The following MAPK14 variants were observed in gnomAD, a reference collection of about 807,000 sequenced individuals.
MAPK14 encodes the protein mitogen-activated protein kinase 14, also known as CSAID-binding protein.
A neutral mutation model predicts 49.6 loss-of-function variants in MAPK14; 16 were observed. The ratio of observed to expected loss-of-function variants is 0.32; its 90% CI spans 0.22 to 0.49. The LOEUF is 0.49. Among genes scored for constraint, MAPK14 ranks in the 20% least tolerant of loss-of-function variants. MAPK14 has a pLI of 0.99. For synonymous variants in MAPK14, 142 were observed against 158.0 expected, an observed-to-expected ratio of 0.90 and a Z score of 0.76; for missense variants, 200 against 441.2, an observed-to-expected ratio of 0.45 and a Z score of 4.90.
chr6:36,069,802 T>G (rs770092693), intron 3 of MAPK14, among the ~76,000 whole-genome samples: 8 of 152,200 alleles, frequency 5.3e-5, no homozygotes, highest in South Asian at 4.1e-4. Flanking sequence ...ACATAATAGC[T>G]GTACTTGAAG....
chr6:36,045,783 T>C (rs1297366502), intron 1 of MAPK14, among the ~76,000 whole-genome samples: 3 of 122,888 alleles, frequency 2.4e-5, no homozygotes, highest in African/African-American at 3.3e-5. Context: ...CACTCCAGCC[T>C]GGGTGACACA....
intron 1 of MAPK14, among the ~76,000 whole-genome samples, chr6:36,044,567 C>T (rs551888190): frequency 6.6e-6 from 1 of 152,312 alleles, no homozygotes; most frequent in East Asian, 1.9e-4. Flanking sequence ...CCCTATATCT[C>T]TATACCTATC....
chr6:36,060,046 G>T (rs2127426324), intron 3 of MAPK14, among the ~76,000 whole-genome samples: 1 of 152,282 alleles, frequency 6.6e-6, no homozygotes, highest in East Asian at 1.9e-4. Context: ...GATACCCCTA[G>T]AAAGCAGAGC....
At chr6:36,084,190 A>G (rs1764882336) in intron 8 of MAPK14, among the ~76,000 whole-genome samples, 1 of 152,182 alleles carries the variant, frequency 6.6e-6, no homozygotes, top group African/African-American at 2.4e-5. Flanking sequence ...AACCCCTCCA[A>G]AGGTTAGCAG....
intron 3 of MAPK14, among the ~76,000 whole-genome samples, chr6:36,060,604 C>T (rs1763780305): frequency 1.3e-5 from 2 of 152,182 alleles, no homozygotes; most frequent in South Asian, 4.1e-4. Context: ...TTTCTCCTCA[C>T]CCTTATCCTG....
In MAPK14 at chr6:36,109,677, T is replaced by C. The variant is rs201904329; in HGVS notation, c.*1230T>C. ...ACCAACTATTTTTGAGGAATTATCA[T>C]GGGAAAAGACCAGGGCTTTTCCCAG... On this transcript the variant is annotated 3_prime_UTR_variant, in exon 12 of 12. Transcript: ENST00000229794. 6.6e-5 allele frequency: 10 copies of C among 152,658 alleles called. No homozygotes were observed. The highest frequency in any genetic ancestry group is 1.3e-4 in the Non-Finnish European group (9 of 68,048). The allele number at this position is 152,658 out of a possible 1,614,324, so 9.5% of individuals were successfully genotyped here. A position where few individuals can be genotyped will look rare whatever the true frequency, so the allele number is the denominator to read the frequency against.
At chr6:36,058,089 A>G (rs556286821) in intron 2 of MAPK14, among the ~76,000 whole-genome samples, 8 of 152,304 alleles carry the variant, frequency 5.3e-5, no homozygotes, top group Admixed American at 5.2e-4. Flanking sequence ...TGGGTTATTG[A>G]GTATTAAGTA....
At chr6:36,043,896 T>C (rs1581741410) in intron 1 of MAPK14, among the ~76,000 whole-genome samples, 1 of 139,986 alleles carries the variant, frequency 7.1e-6, no homozygotes, top group South Asian at 2.6e-4. Context: ...CCACAACCTC[T>C]ACCTCCCGGG....
intron 3 of MAPK14, among the ~76,000 whole-genome samples, chr6:36,068,906 C>A (rs1293271392): frequency 6.6e-6 from 1 of 152,112 alleles, no homozygotes; most frequent in African/African-American, 2.4e-5. Flanking sequence ...GTGATTTGTG[C>A]TCTCTATACT....
chr6:36,123,644 G>A, the MAPK14 span, among the ~76,000 whole-genome samples: 1 of 152,234 alleles, frequency 6.6e-6, no homozygotes, highest in Non-Finnish European at 1.5e-5. Context: ...GTGCCAGGGG[G>A]CTCAGCAGTG....
chr6:36,087,918 G>A (rs1435796493), intron 8 of MAPK14, among the ~76,000 whole-genome samples: 1 of 152,070 alleles, frequency 6.6e-6, no homozygotes, highest in Non-Finnish European at 1.5e-5. Flanking sequence ...AAACAGCATG[G>A]TACTAGTACA....
At chr6:36,094,757 G>C (rs1765380954) in intron 8 of MAPK14, among the ~76,000 whole-genome samples, 1 of 152,210 alleles carries the variant, frequency 6.6e-6, no homozygotes, top group South Asian at 2.1e-4. Context: ...TGTCCTCGTA[G>C]AGCTGTAGAC....
intron 1 of MAPK14, among the ~76,000 whole-genome samples, chr6:36,036,264 A>AG (rs1762747414): frequency 1.3e-5 from 2 of 151,764 alleles, no homozygotes. Flanking sequence ...TCAAAAAAAA[A>AG]AAAAAAAAAT....
At chr6:36,104,005 G>A (rs1182443026) in intron 10 of MAPK14, among the ~76,000 whole-genome samples, 1 of 152,180 alleles carries the variant, frequency 6.6e-6, no homozygotes, top group Admixed American at 6.5e-5. Context: ...TGGGGTGAAG[G>A]CTAGGTGATT....
At chr6:36,119,309 G>T in the MAPK14 span, among the ~76,000 whole-genome samples, 2 of 152,208 alleles carry the variant, frequency 1.3e-5, no homozygotes, top group African/African-American at 4.8e-5. Flanking sequence ...AAAGGCAAAT[G>T]AATTTGCCCG....
chr6:36,027,982 C>T lies in MAPK14; in HGVS notation c.-176C>T, dbSNP rs538075308. 3 of 441,898 alleles carry T rather than the reference C, an allele frequency of 6.8e-6. No homozygotes were observed. The East Asian group carries it at 1.1e-4, about 16-fold the overall frequency. 27.4% of individuals were successfully genotyped at this position (441,898 alleles called of 1,614,324 possible). A position where few individuals can be genotyped will look rare whatever the true frequency, so the allele number is the denominator to read the frequency against. On this transcript the variant is annotated 5_prime_UTR_variant, in exon 1 of 12. Transcript: ENST00000229794. ...GTCGCAGGGGCACATCCAGCCGCTGCGGCTGACAGCAGCCGCGCGCGCGGG... is the reference window on the plus strand; with the variant it reads ...GTCGCAGGGGCACATCCAGCCGCTGTGGCTGACAGCAGCCGCGCGCGCGGG...
Position 36,036,306 on chromosome 6 carries a change from A to G in MAPK14, c.116+8033A>G, listed in dbSNP as rs369058889. 1.2e-3 allele frequency among the ~76,000 whole-genome samples: 179 copies of G among 152,154 alleles called. 3 individuals are homozygous for G. In the South Asian group the frequency reaches 0.036, roughly 31 times the overall value. On this transcript the variant is annotated intron_variant, in intron 1 of 11. Coordinates refer to ENST00000229794, the MANE Select transcript of MAPK14 (RefSeq NM_139012.3). ...ATGAGAAATTGCTTCTCAGGAATGAATAAATAAAGTAGTTTCTTGAGGTGG... is the reference window on the plus strand; with the variant it reads ...ATGAGAAATTGCTTCTCAGGAATGAGTAAATAAAGTAGTTTCTTGAGGTGG...
intron 6 of MAPK14, among the ~76,000 whole-genome samples, chr6:36,075,430 A>G (rs1456822217): frequency 6.6e-6 from 1 of 151,912 alleles, no homozygotes; most frequent in Non-Finnish European, 1.5e-5. Context: ...ATGATTCGGT[A>G]TTGTTGTGTG....
chr6:36,110,748 T>A lies in MAPK14; in HGVS notation c.*2301T>A, dbSNP rs1415367038. On this transcript the variant is annotated 3_prime_UTR_variant, in exon 12 of 12. Coordinates refer to ENST00000229794, the MANE Select transcript of MAPK14 (RefSeq NM_139012.3). ...TACCACTGGTTAAAATAAAGCCTAT[T>A]TTTCAAATTTAGTGAGTTTCTCAAG... 6.6e-6 allele frequency: 1 copy of A among 152,222 alleles called. No individual in the cohort carries two copies. The highest frequency in any genetic ancestry group is 6.5e-5 in the Admixed American group (1 of 15,288). The allele number at this position is 152,222 out of a possible 1,614,324, so 9.4% of individuals were successfully genotyped here.
Sources: gnomAD v4.1 joint callset for allele counts (sites outside exome capture counted in the v4.1 genomes callset) on GRCh38, gnomAD v4.1.1 for gene constraint, MANE v1.5 for transcripts, NCBI Gene and HGNC (gene_info 2026-07-23, HGNC 2026-07-21) for gene names.